TMEM40: variants seen among roughly 807,000 people sequenced by gnomAD.
TMEM40 encodes transmembrane protein 40.
A neutral mutation model predicts 40.8 loss-of-function variants in TMEM40; 34 were observed. That is an observed-to-expected ratio of 0.83 (90% confidence interval 0.63 to 1.11). The LOEUF is 1.11. Ranked by LOEUF, TMEM40 falls within the 50% of genes least tolerant of loss-of-function variation. TMEM40 has a pLI of 0.00. For missense variants in TMEM40, 296 were observed against 280.2 expected, an observed-to-expected ratio of 1.06 and a Z score of -0.40; for synonymous variants, 106 against 107.0, an observed-to-expected ratio of 0.99 and a Z score of 0.06.
intron 1 of TMEM40, among the ~76,000 whole-genome samples, chr3:12,750,967 C>T (rs1052438352): frequency 2.0e-5 from 3 of 152,110 alleles, no homozygotes; most frequent in African/African-American, 7.2e-5. Context: ...ACCACAAGAC[C>T]TTGGCAGGAA....
At chr3:12,761,501 G>A (rs544383325), upstream of TMEM40, among the ~76,000 whole-genome samples, 69 of 152,154 alleles carry the variant, frequency 4.5e-4, no homozygotes, top group African/African-American at 1.6e-3. Flanking sequence ...AGCTACTCGG[G>A]AGGCTGAGGT....
chr3:12,747,017 T>C (rs1041631256), intron 3 of TMEM40, among the ~76,000 whole-genome samples: 3 of 152,122 alleles, frequency 2.0e-5, no homozygotes, highest in African/African-American at 7.2e-5. Flanking sequence ...TTCTCATTTT[T>C]TGTTTTTAAA....
intron 11 of TMEM40, among the ~76,000 whole-genome samples, chr3:12,735,151 A>G (rs773333091): frequency 2.0e-5 from 3 of 152,092 alleles, no homozygotes; most frequent in Non-Finnish European, 4.4e-5. Flanking sequence ...TCATTTTCCT[A>G]TTGGTCAAGT....
Position 12,748,749 on chromosome 3 carries a change from G to C in TMEM40, c.117C>G (p.Leu39=). The change falls in exon 3 of 12, where the codon CTC becomes CTG. Residue 39 remains leucine (L), a synonymous_variant. Coordinates refer to ENST00000314124, the MANE Select transcript of TMEM40 (RefSeq NM_018306.4). The part of the protein sequence containing the change: ...DFHKQDGKAG[L]FSQEQYERNK... ...TTCTCTCATATTGTTCTTGGGAAAA[G>C]AGTCCAGCCTTCCCATCTTGCTTGT... 1 of 1,614,188 alleles carries C rather than the reference G, an allele frequency of 6.2e-7. No homozygotes were observed. The highest frequency in any genetic ancestry group is 8.5e-7 in the Non-Finnish European group (1 of 1,180,036).
At chr3:12,749,369 A>G (rs2061455503) in intron 2 of TMEM40, among the ~76,000 whole-genome samples, 2 of 152,198 alleles carry the variant, frequency 1.3e-5, no homozygotes, top group South Asian at 4.1e-4. Flanking sequence ...AGACAGCTAG[A>G]TTCTGTAGAG....
At chr3:12,749,707 G>T in intron 2 of TMEM40, 53 bp downstream of exon 2, 1 of 1,543,254 alleles carries the variant, frequency 6.5e-7, no homozygotes, top group Non-Finnish European at 8.9e-7. Flanking sequence ...TTCTACTTTT[G>T]GACTCCACCT....
At chr3:12,737,931 G>T in intron 7 of TMEM40, 177 bp from the exon 8 acceptor site, 1 of 913,264 alleles carries the variant, frequency 1.1e-6, no homozygotes, top group South Asian at 1.4e-5. Context: ...AACCCCCACT[G>T]ACTTCCTCCT....
intron 2 of TMEM40, 48 bp from the exon 3 acceptor site, chr3:12,748,840 AC>A (rs1349565258): frequency 6.7e-7 from 1 of 1,493,530 alleles, no homozygotes; most frequent in Admixed American, 1.8e-5. Flanking sequence ...CACCCTTCCC[AC>A]CCCAGGGACC....
Position 12,765,410 on chromosome 3 carries a change from G to A in TMEM40, c.-9+3841C>T, listed in dbSNP as rs375495367. Among the ~76,000 whole-genome samples the A allele has an allele frequency of 2.0e-5, 3 of 152,152 alleles. No homozygotes were observed. The East Asian group carries it at 5.8e-4, about 29-fold the overall frequency. ...TGGCCTTGCAGGCAGCCCTTGGGGTGCCAACGAAGAGCCCAGGGGTGCCAG... is the reference window on the plus strand; with the variant it reads ...TGGCCTTGCAGGCAGCCCTTGGGGTACCAACGAAGAGCCCAGGGGTGCCAG... On this transcript the variant is annotated intron_variant, in intron 1 of 11. Transcript: ENST00000264728.
intron 1 of TMEM40, among the ~76,000 whole-genome samples, chr3:12,768,942 G>C (rs867875601): frequency 7.4e-6 from 1 of 134,766 alleles, no homozygotes; most frequent in Non-Finnish European, 1.6e-5. Flanking sequence ...GGCGGGGGGG[G>C]CGGGGGGGGC....
chr3:12,753,521 G>C (rs1251515217), intron 1 of TMEM40, among the ~76,000 whole-genome samples: 2 of 152,010 alleles, frequency 1.3e-5, no homozygotes, highest in African/African-American at 4.8e-5. Flanking sequence ...ACCACACCCG[G>C]CCTCCACACA....
chr3:12,748,852 A>G, intron 2 of TMEM40, 60 bp from the exon 3 acceptor site: 1 of 1,460,132 alleles, frequency 6.8e-7, no homozygotes, highest in Non-Finnish European at 9.4e-7. Context: ...CCCAGGGACC[A>G]CCCAGTCCTC....
At chr3:12,763,159 CAAAA>C (rs536186442), upstream of TMEM40, among the ~76,000 whole-genome samples, 3,322 of 56,202 alleles carry the variant, frequency 0.059, 122 homozygotes, top group African/African-American at 0.17. Flanking sequence ...GACTCTGTCT[CAAAA>C]AAAAAAAAAA....
intron 1 of TMEM40, among the ~76,000 whole-genome samples, chr3:12,753,241 C>G (rs9856530): frequency 0.042 from 4,049 of 96,450 alleles, 243 homozygotes; most frequent in African/African-American, 0.17. Flanking sequence ...TTTTTTGAGA[C>G]AGGGTCTCAC....
At chr3:12,766,115 C>G (rs919888884) in intron 1 of TMEM40, among the ~76,000 whole-genome samples, 2 of 152,060 alleles carry the variant, frequency 1.3e-5, no homozygotes, top group African/African-American at 2.4e-5. Flanking sequence ...CCACTTCAGT[C>G]TCCCAAAGTG....
intron 1 of TMEM40, among the ~76,000 whole-genome samples, chr3:12,750,297 C>T (rs907220297): frequency 2.0e-5 from 3 of 152,020 alleles, no homozygotes; most frequent in African/African-American, 7.2e-5. Context: ...GACAGGAATG[C>T]AGATTTGAAG....
chr3:12,758,756 C>T (rs1300767970), intron 1 of TMEM40, among the ~76,000 whole-genome samples: 3 of 152,190 alleles, frequency 2.0e-5, no homozygotes, highest in Non-Finnish European at 2.9e-5. Flanking sequence ...GATGGTGGTG[C>T]AGAGGCTGAG....
intron 1 of TMEM40, among the ~76,000 whole-genome samples, chr3:12,768,271 A>T (rs534549394): frequency 1.7e-4 from 26 of 152,244 alleles, no homozygotes; most frequent in Non-Finnish European, 2.5e-4. Flanking sequence ...ACAACTACAT[A>T]AAGCCAGCGT....
chr3:12,736,932 G>A, intron 8 of TMEM40, 97 bp from the exon 9 acceptor site: 2 of 1,458,874 alleles, frequency 1.4e-6, no homozygotes, highest in South Asian at 1.2e-5. Flanking sequence ...AGGGTGGAGT[G>A]CAGTTGTGCG....
Sources: gnomAD v4.1 joint callset for allele counts (sites outside exome capture counted in the v4.1 genomes callset) on GRCh38, gnomAD v4.1.1 for gene constraint, MANE v1.5 for transcripts, NCBI Gene and HGNC (gene_info 2026-07-23, HGNC 2026-07-21) for gene names.